PDE1B: variants seen among roughly 807,000 people sequenced by gnomAD.
PDE1B encodes dual specificity calcium/calmodulin-dependent 3',5'-cyclic nucleotide phosphodiesterase 1B.
PDE1B carries 13 observed loss-of-function variants against 66.7 expected under a neutral mutation model. The ratio of observed to expected loss-of-function variants is 0.19; its 90% confidence interval spans 0.13 to 0.31. The LOEUF is 0.31. Ranked by LOEUF, PDE1B falls within the 10% of genes least tolerant of loss-of-function variation. The pLI is 1.00. For synonymous variants in PDE1B, 230 were observed against 253.9 expected (o/e 0.91, Z 0.90); for missense variants, 485 against 682.3 (o/e 0.71, Z 3.22).
Position 54,569,264 on chromosome 12 carries a change from C to G in PDE1B, c.308C>G (p.Ser103Cys). ...TCGGAGGTGCGGGACTGGCTGGCCT[C>G]CACCTTCACCCAGCAGGCCCGGGCC... ...VPSEVRDWLA[S>C]TFTQQARAKG... Residue 103 changes from serine to cysteine, a missense_variant, in exon 4 of 16, where the codon TCC (serine) becomes TGC (cysteine). By Grantham distance (112) the Ser-to-Cys change is moderately radical. Transcript: ENST00000243052. The surrounding 1 kb of genome is among the most constrained non-coding windows in gnomAD (Gnocchi z 4.4). The G allele has an allele frequency of 6.2e-7, 1 of 1,614,062 alleles. No individual in the cohort carries two copies. The highest frequency in any genetic ancestry group is 8.5e-7 in the Non-Finnish European group (1 of 1,179,974).
In PDE1B at chr12:54,573,142, C is replaced by T; in HGVS notation, c.736-6C>T. The T allele has an allele frequency of 6.2e-7, 1 of 1,609,912 alleles. No individual in the cohort carries two copies. Among genetic ancestry groups the T allele is most frequent in the South Asian group, 1.1e-5 (1 of 90,982 alleles). Reference sequence around the variant, plus strand: ...CCTCTCTCATTCTTTCTCTTTCCTCCTGTAGCACTGCCTGTCGGAGATTGA... The same window carrying T: ...CCTCTCTCATTCTTTCTCTTTCCTCTTGTAGCACTGCCTGTCGGAGATTGA... On this transcript the variant is annotated splice_polypyrimidine_tract_variant and splice_region_variant and intron_variant, in intron 7 of 15. Coordinates refer to ENST00000243052, the MANE Select transcript of PDE1B (RefSeq NM_000924.4). This position sits in a 1 kb window ranked among gnomAD's most constrained non-coding sequence, Gnocchi z 5.2.
At chr12:54,572,413 G>A in intron 6 of PDE1B, 188 bp from the exon 7 acceptor site, 1 of 643,166 alleles carries the variant, frequency 1.6e-6, no homozygotes, top group East Asian at 2.5e-5. Context: ...AGAGAGGCAT[G>A]TGACTTACCC....
chr12:54,577,108 T>C, intron 14 of PDE1B, 117 bp from the exon 15 acceptor site: 1 of 904,250 alleles, frequency 1.1e-6, no homozygotes, highest in South Asian at 1.6e-5. Context: ...TTGAATGTAG[T>C]TCAGCTTGAA....
At chr12:54,553,467 T>C (rs1410849413) in intron 2 of PDE1B, among the ~76,000 whole-genome samples, 1 of 152,216 alleles carries the variant, frequency 6.6e-6, no homozygotes, top group African/African-American at 2.4e-5. Context: ...TCAAGGTCAT[T>C]ATAGATGAGC....
In PDE1B at chr12:54,573,004, G is replaced by T; in HGVS notation, c.736-144G>T. ...AGGAAGGTCCTTGGCCATTTCAGGA[G>T]CTGAGAAACCTGGCTGCATTAACCA... On this transcript the variant is annotated intron_variant, in intron 7 of 15. Transcript: ENST00000243052. The surrounding 1 kb of genome is among the most constrained non-coding windows in gnomAD (Gnocchi z 5.2). 1 of 706,454 alleles carries T rather than the reference G, an allele frequency of 1.4e-6. No individual in the cohort carries two copies. The highest frequency in any genetic ancestry group is 2.4e-6 in the Non-Finnish European group (1 of 409,106). 43.8% of individuals were successfully genotyped at this position (706,454 alleles called of 1,614,324 possible).
chr12:54,567,186 G>C, intron 3 of PDE1B, 99 bp downstream of exon 3: 1 of 624,384 alleles, frequency 1.6e-6, no homozygotes, highest in South Asian at 1.9e-5. Flanking sequence ...CATGGACAGA[G>C]ACCGGAAGAA....
chr12:54,575,016 G>A lies in PDE1B; in HGVS notation c.1065-82G>A. The stretch of plus-strand genomic sequence containing the variant: ...AAAGGAAGAAGTTATGTGATAGGGT[G>A]TGCGTGGGAAGTTAGGGAATGGTCC... On this transcript the variant is annotated intron_variant, in intron 10 of 15. Coordinates refer to ENST00000243052, the MANE Select transcript of PDE1B (RefSeq NM_000924.4). The surrounding 1 kb of genome is among the most constrained non-coding windows in gnomAD (Gnocchi z 4.0). The A allele has an allele frequency of 9.4e-7, 1 of 1,065,042 alleles. No individual in the cohort carries two copies. Among genetic ancestry groups the A allele is most frequent in the Non-Finnish European group, 1.4e-6 (1 of 710,390 alleles). 66.0% of individuals were successfully genotyped at this position (1,065,042 alleles called of 1,614,324 possible). A position where few individuals can be genotyped will look rare whatever the true frequency, so the allele number is the denominator to read the frequency against.
rs200518155 is a variant in PDE1B at position 54,575,250 on chromosome 12, A to G, written c.1185+32A>G. ...TGGCATCTTTGCCTTCCCTGTGCCT[A>G]TGGGGGCCTTCTCTCCCCTTTTGCC... On this transcript the variant is annotated intron_variant, in intron 11 of 15. Coordinates refer to ENST00000243052, the MANE Select transcript of PDE1B (RefSeq NM_000924.4). The surrounding 1 kb of genome is among the most constrained non-coding windows in gnomAD (Gnocchi z 4.0). 859 of 1,600,966 alleles carry G rather than the reference A, an allele frequency of 5.4e-4. 1 individual carries two copies. The highest frequency in any genetic ancestry group is 6.9e-4 in the Non-Finnish European group (806 of 1,168,734).
At chr12:54,550,024 G>A in intron 2 of PDE1B, 39 bp downstream of exon 2, 1 of 1,604,812 alleles carries the variant, frequency 6.2e-7, no homozygotes, top group Non-Finnish European at 8.5e-7. Context: ...AGGGACCTTA[G>A]GGAGCCTGAG....
At position 54,569,074 on chromosome 12, in the gene PDE1B, A is replaced by G; in HGVS notation, c.228-110A>G. 1 of 1,466,472 alleles carries G rather than the reference A, an allele frequency of 6.8e-7. No homozygotes were observed. The highest frequency in any genetic ancestry group is 9.0e-7 in the Non-Finnish European group (1 of 1,107,618). The allele number at this position is 1,466,472 out of a possible 1,614,324, so 90.8% of individuals were successfully genotyped here. On this transcript the variant is annotated intron_variant, in intron 3 of 15. Transcript: ENST00000243052. This position sits in a 1 kb window ranked among gnomAD's most constrained non-coding sequence, Gnocchi z 4.4. Reference sequence around the variant, plus strand: ...AAAGAAAGGAAACAGGGTTGAAGACAGAGAGCTGGCATGAGAGTTACTAAA... The same window carrying G: ...AAAGAAAGGAAACAGGGTTGAAGACGGAGAGCTGGCATGAGAGTTACTAAA...
In PDE1B at chr12:54,577,213, GCTCCTCTA is replaced by G. The variant is rs1311063449; in HGVS notation, c.1508-10_1508-3del. ...TTGGCCTAAGCTCAGCCTCCTTTAT[GCTCCTCTA>G]CAGGCATCACCAACCAGATGTCCAT... On this transcript the variant is annotated splice_polypyrimidine_tract_variant and splice_region_variant and intron_variant, in intron 14 of 15. Transcript: ENST00000243052. The G allele has an allele frequency of 6.2e-7, 1 of 1,609,166 alleles. No homozygotes were observed. Among genetic ancestry groups the G allele is most frequent in the Non-Finnish European group, 8.5e-7 (1 of 1,176,212 alleles).
chr12:54,571,361 C>A (rs969094367), intron 6 of PDE1B: 5 of 152,166 alleles, frequency 3.3e-5, no homozygotes, highest in African/African-American at 1.2e-4. Flanking sequence ...TTCTTCTTTC[C>A]AATCCTGCCC....
At chr12:54,568,501 C>G (rs1017303925) in intron 3 of PDE1B, among the ~76,000 whole-genome samples, 1 of 98,606 alleles carries the variant, frequency 1.0e-5, no homozygotes, top group African/African-American at 3.0e-5. Context: ...CACACACACA[C>G]ACACACACAC....
Position 54,577,962 on chromosome 12 carries a change from C to T in PDE1B, c.*120C>T, listed in dbSNP as rs545075619. On this transcript the variant is annotated 3_prime_UTR_variant, in exon 16 of 16. Transcript: ENST00000243052. ...CGTGGTCGTGGAAGAAACAACCCAC[C>T]TGAAGGCCAAATGCCAGAGATTTGG... 4 of 158,612 alleles carry T rather than the reference C, an allele frequency of 2.5e-5. No homozygotes were observed. In the East Asian group the frequency reaches 7.3e-4, roughly 29 times the overall value. The allele number at this position is 158,612 out of a possible 1,614,324, so 9.8% of individuals were successfully genotyped here.
At chr12:54,567,374 G>A (rs1466351745) in intron 3 of PDE1B, among the ~76,000 whole-genome samples, 1 of 151,844 alleles carries the variant, frequency 6.6e-6, no homozygotes, top group Non-Finnish European at 1.5e-5. Flanking sequence ...ATGGTGGCAT[G>A]CTCCTGTAGT....
At chr12:54,561,220 C>T (rs547008879) in intron 2 of PDE1B, among the ~76,000 whole-genome samples, 33 of 152,294 alleles carry the variant, frequency 2.2e-4, no homozygotes, top group Admixed American at 7.2e-4. Context: ...TCTTAAGCCT[C>T]TTGCTAACCC....
At chr12:54,552,154 T>A (rs75159786) in intron 2 of PDE1B, among the ~76,000 whole-genome samples, 1 of 152,174 alleles carries the variant, frequency 6.6e-6, no homozygotes, top group Non-Finnish European at 1.5e-5. Context: ...TTTTTGAATA[T>A]TGGGGAGGCT....
rs771098882 is a variant in PDE1B at position 54,576,605 on chromosome 12, G to T, written c.1411G>T (p.Val471Leu). The change falls in exon 14 of 16, where the codon GTG becomes TTG. Residue 471 changes from valine (V) to leucine (L), a missense_variant. Coordinates refer to ENST00000243052, the MANE Select transcript of PDE1B (RefSeq NM_000924.4). ...GCGCCAGCCCTCTCTGGATGTGGAAGTGGGAGACCCCAACCCTGATGTGGT... is the reference window on the plus strand; with the variant it reads ...GCGCCAGCCCTCTCTGGATGTGGAATTGGGAGACCCCAACCCTGATGTGGT... ...QWRQPSLDVE[V>L]GDPNPDVVSF... is the part of the protein sequence containing the mutation. 9 of 1,613,992 alleles carry T rather than the reference G, an allele frequency of 5.6e-6. No individual in the cohort carries two copies. The highest frequency in any genetic ancestry group is 4.0e-5 in the African/African-American group (3 of 74,908).
Position 54,549,789 on chromosome 12 carries a change from A to G in PDE1B, c.-14+17A>G, listed in dbSNP as rs1592359767. The G allele has an allele frequency of 9.3e-7, 1 of 1,074,036 alleles. No homozygotes were observed. The highest frequency in any genetic ancestry group is 1.4e-6 in the Non-Finnish European group (1 of 710,866). 66.5% of individuals were successfully genotyped at this position (1,074,036 alleles called of 1,614,324 possible). On this transcript the variant is annotated intron_variant, in intron 1 of 15. Coordinates refer to ENST00000243052, the MANE Select transcript of PDE1B (RefSeq NM_000924.4). ...CAGCCGCAGGTGGGAAGGGCCTGGG[A>G]TGGGGGGTGAGGGTCTCTCGGCTGG...
Sources: gnomAD v4.1 joint callset for allele counts (sites outside exome capture counted in the v4.1 genomes callset) on GRCh38, gnomAD v4.1.1 for gene constraint, Gnocchi (gnomAD v3.1) non-coding constraint, MANE v1.5 for transcripts, NCBI Gene and HGNC (gene_info 2026-07-23, HGNC 2026-07-21) for gene names.